Variants in NT5C3A observed in about 807,000 individuals in gnomAD.
NT5C3A encodes 5'-nucleotidase, cytosolic IIIA, also known as cytosolic 5'-nucleotidase 3A.
A neutral mutation model predicts 40.0 loss-of-function variants in NT5C3A; 23 were observed. The observed-to-expected ratio is 0.58, with a 90% CI of 0.41 to 0.81. NT5C3A has a LOEUF of 0.81. Ranked by LOEUF, NT5C3A falls within the 40% of genes least tolerant of loss-of-function variation. The pLI is 0.00. For missense variants in NT5C3A, 328 were observed against 403.0 expected (o/e 0.81, Z 1.59); for synonymous variants, 130 against 141.4 (o/e 0.92, Z 0.57).
Position 33,015,928 on chromosome 7 carries a change from A to G in NT5C3A, c.694-58T>C, listed in dbSNP as rs542534174. 45 of 1,178,570 alleles carry G rather than the reference A, an allele frequency of 3.8e-5. No homozygotes were observed. In the East Asian group the frequency reaches 5.8e-4, roughly 15 times the overall value. 73.0% of individuals were successfully genotyped at this position (1,178,570 alleles called of 1,614,324 possible). A position where few individuals can be genotyped will look rare whatever the true frequency, so the allele number is the denominator to read the frequency against. ...TAAAAATTCTATTTGTTGGATTTTCATATTTTGGAGCTCTTAATTGATGTC... is the reference window on the plus strand; with the variant it reads ...TAAAAATTCTATTTGTTGGATTTTCGTATTTTGGAGCTCTTAATTGATGTC... On this transcript the variant is annotated intron_variant, in intron 7 of 8. Transcript: ENST00000610140.
At chr7:33,045,775 T>TA (rs1469119555) in intron 1 of NT5C3A, 2 of 151,536 alleles carry the variant, frequency 1.3e-5, no homozygotes, top group African/African-American at 2.4e-5. Flanking sequence ...TTTTTTTAAT[T>TA]AAAATTTTTT....
chr7:33,050,835 G>A (rs534560429), intron 1 of NT5C3A, among the ~76,000 whole-genome samples: 41 of 152,328 alleles, frequency 2.7e-4, no homozygotes, highest in African/African-American at 9.6e-4. Flanking sequence ...AAGCAACTCT[G>A]AGAGTTAACA....
At chr7:33,039,566 T>TG (rs1554292234) in intron 1 of NT5C3A, among the ~76,000 whole-genome samples, 8 of 144,596 alleles carry the variant, frequency 5.5e-5, no homozygotes, top group East Asian at 2.0e-4. Flanking sequence ...TTTTTTGTTT[T>TG]TTTTTTTTTT....
chr7:33,020,150 C>A (rs1029214652), intron 5 of NT5C3A, among the ~76,000 whole-genome samples: 7 of 152,098 alleles, frequency 4.6e-5, no homozygotes, highest in South Asian at 4.1e-4. Flanking sequence ...GAGAGAAAAT[C>A]TTTGTTATGG....
intron 2 of NT5C3A, among the ~76,000 whole-genome samples, chr7:33,025,970 G>C (rs1213125120): frequency 1.3e-5 from 2 of 152,216 alleles, no homozygotes; most frequent in African/African-American, 4.8e-5. Context: ...TGGATCACTT[G>C]AGGCCAGGAG....
At position 33,014,581 on chromosome 7, in the gene NT5C3A, A is replaced by G. The variant is rs1490177007; in HGVS notation, c.*149T>C. 1 of 1,133,486 alleles carries G rather than the reference A, an allele frequency of 8.8e-7. No homozygotes were observed. The highest frequency in any genetic ancestry group is 2.0e-5 in the Admixed American group (1 of 49,448). The allele number at this position is 1,133,486 out of a possible 1,614,324, so 70.2% of individuals were successfully genotyped here. On this transcript the variant is annotated 3_prime_UTR_variant, in exon 9 of 9. Transcript: ENST00000610140. The stretch of plus-strand genomic sequence containing the variant: ...GGTGGAGAAAAGGAGCTTCCAGTCA[A>G]TGCATTCACCATATCTGAAAATACT...
At chr7:33,060,637 C>A (rs1165993050) in intron 1 of NT5C3A, among the ~76,000 whole-genome samples, 1 of 152,140 alleles carries the variant, frequency 6.6e-6, no homozygotes, top group Non-Finnish European at 1.5e-5. Flanking sequence ...GTTAGATAGG[C>A]CCAACTTGGT....
chr7:33,015,619 A>C (rs1262277734), intron 8 of NT5C3A, 51 bp downstream of exon 8: 2 of 1,205,752 alleles, frequency 1.7e-6, no homozygotes, highest in African/African-American at 3.0e-5. Context: ...TTGCCTATCA[A>C]GTTTCATCCT....
intron 1 of NT5C3A, among the ~76,000 whole-genome samples, chr7:33,033,896 T>TAA (rs10691796): frequency 0.47 from 56,387 of 119,024 alleles, 12,456 homozygotes; most frequent in Admixed American, 0.53. Context: ...ATATATATAA[T>TAA]TTTTTTTTTT....
intron 1 of NT5C3A, among the ~76,000 whole-genome samples, chr7:33,030,574 G>T (rs1326610815): frequency 6.6e-6 from 1 of 152,124 alleles, no homozygotes; most frequent in Non-Finnish European, 1.5e-5. Context: ...GTAAAATGTT[G>T]GGGAGGGAGC....
At chr7:33,023,268 C>CT (rs200004954) in intron 3 of NT5C3A, among the ~76,000 whole-genome samples, 83 of 151,240 alleles carry the variant, frequency 5.5e-4, no homozygotes, top group Non-Finnish European at 1.3e-4. Context: ...TCCTTTTTTA[C>CT]TTTTTTTTGA....
At chr7:33,026,701 C>T (rs996400171) in intron 2 of NT5C3A, 116 bp downstream of exon 2, 1 of 728,024 alleles carries the variant, frequency 1.4e-6, no homozygotes, top group Non-Finnish European at 2.5e-6. Context: ...ACTATGTTGC[C>T]CAGGCTGGTC....
At position 33,022,047 on chromosome 7, in the gene NT5C3A, G is replaced by A; in HGVS notation, c.354+6C>T. On this transcript the variant is annotated splice_donor_region_variant and intron_variant, in intron 4 of 8. Transcript: ENST00000610140. Reference sequence around the variant, plus strand: ...TGAGTGACTATAGATTGTTGTTAGTGTTTACCTTTTTTCTACATTCATCTG... The same window carrying A: ...TGAGTGACTATAGATTGTTGTTAGTATTTACCTTTTTTCTACATTCATCTG... 6.7e-7 allele frequency: 1 copy of A among 1,492,468 alleles called. No homozygotes were observed. Among genetic ancestry groups the A allele is most frequent in the Non-Finnish European group, 9.3e-7 (1 of 1,070,466 alleles). The allele number at this position is 1,492,468 out of a possible 1,614,324, so 92.5% of individuals were successfully genotyped here.
intron 1 of NT5C3A, among the ~76,000 whole-genome samples, chr7:33,053,516 T>G (rs1209920287): frequency 6.6e-6 from 1 of 151,660 alleles, no homozygotes; most frequent in East Asian, 2.0e-4. Flanking sequence ...ATAAAATTAG[T>G]CAGGCATGGT....
At chr7:33,027,213 C>T (rs572969783) in intron 1 of NT5C3A, among the ~76,000 whole-genome samples, 5 of 152,156 alleles carry the variant, frequency 3.3e-5, no homozygotes, top group East Asian at 1.9e-4. Context: ...AGAAGGCATG[C>T]GCCATCATAC....
chr7:33,043,922 A>T (rs752396703), intron 1 of NT5C3A, among the ~76,000 whole-genome samples: 1 of 152,196 alleles, frequency 6.6e-6, no homozygotes, highest in Non-Finnish European at 1.5e-5. Context: ...ATTTTAAGAG[A>T]AAAATAATAC....
intron 3 of NT5C3A, chr7:33,023,788 A>T: frequency 2.1e-6 from 1 of 481,976 alleles, no homozygotes; most frequent in Non-Finnish European, 3.7e-6. Flanking sequence ...TGAATAATGA[A>T]TAGACCATAT....
chr7:33,017,020 C>G (rs1192384648), intron 7 of NT5C3A, among the ~76,000 whole-genome samples: 2 of 151,430 alleles, frequency 1.3e-5, no homozygotes, highest in Admixed American at 6.6e-5. Context: ...CTATCTCTAC[C>G]AAAAATACAA....
At chr7:33,053,918 G>T (rs1787469048) in intron 1 of NT5C3A, among the ~76,000 whole-genome samples, 1 of 152,030 alleles carries the variant, frequency 6.6e-6, no homozygotes, top group East Asian at 1.9e-4. Flanking sequence ...TTGAAAATGT[G>T]GTTAACTTGT....
Sources: gnomAD v4.1 joint callset for allele counts (sites outside exome capture counted in the v4.1 genomes callset) on GRCh38, gnomAD v4.1.1 for gene constraint, MANE v1.5 for transcripts, NCBI Gene and HGNC (gene_info 2026-07-23, HGNC 2026-07-21) for gene names.